Variants in FBXL18 observed in about 807,000 individuals in gnomAD.
FBXL18 encodes the protein F-box/LRR-repeat protein 18.
In FBXL18, 36 loss-of-function variants were observed where a neutral mutation model predicts 46.0. The observed-to-expected ratio is 0.78, with a 90% CI of 0.60 to 1.03. FBXL18 has a LOEUF of 1.03. Among genes scored for constraint, FBXL18 ranks in the 50% least tolerant of loss-of-function variants. The pLI is 0.00. For synonymous variants in FBXL18, 557 were observed against 465.3 expected (o/e 1.20, Z -2.54); for missense variants, 977 against 1,004.1 (o/e 0.97, Z 0.36).
At position 5,481,776 on chromosome 7, in the gene FBXL18, C is replaced by T. The variant is rs372831847; in HGVS notation, c.2156G>A (p.Ter719=). The T allele has an allele frequency of 6.8e-5, 109 of 1,613,308 alleles. No individual in the cohort carries two copies. The highest frequency in any genetic ancestry group is 8.8e-5 in the Non-Finnish European group (104 of 1,179,960). ...ACCGATGGGCGGCGGCTCCGCCTCTCACCACCACAGGTTCGGCGGTTCCTC... is the reference window on the plus strand; with the variant it reads ...ACCGATGGGCGGCGGCTCCGCCTCTTACCACCACAGGTTCGGCGGTTCCTC... ...VAEEPPNLWW[*] is the part of the protein sequence containing the mutation. Residue 719 remains the stop codon, a stop_retained_variant, in exon 5 of 5, where the codon TGA becomes TAA. Coordinates refer to ENST00000382368, the MANE Select transcript of FBXL18 (RefSeq NM_024963.6).
chr7:5,511,893 G>A (rs1333446816), intron 1 of FBXL18, among the ~76,000 whole-genome samples: 4 of 151,956 alleles, frequency 2.6e-5, no homozygotes, highest in African/African-American at 9.7e-5. Context: ...GCCAGCCTGA[G>A]CAACACAGTC....
At chr7:5,458,699 A>C (rs371208197) in intron 4 of FBXL18, among the ~76,000 whole-genome samples, 1,643 of 145,402 alleles carry the variant, frequency 0.011, 23 homozygotes, top group African/African-American at 0.035. Context: ...TCCGTCCCCC[A>C]AAAAAAAAAA....
chr7:5,500,476 C>A lies in FBXL18; in HGVS notation c.1781+12G>T, dbSNP rs369241476. On this transcript the variant is annotated intron_variant, in intron 3 of 4. Transcript: ENST00000382368. ...CCAGCAGAGGCCCGAGAGGTCCCCGCGGCCCCCTCACCTGAGGTCCCTCAG... is the reference window on the plus strand; with the variant it reads ...CCAGCAGAGGCCCGAGAGGTCCCCGAGGCCCCCTCACCTGAGGTCCCTCAG... 94 of 1,580,152 alleles carry A rather than the reference C, an allele frequency of 5.9e-5. No homozygotes were observed. The highest frequency in any genetic ancestry group is 7.3e-5 in the Non-Finnish European group (85 of 1,160,956).
rs1240378403 is a variant in FBXL18 at position 5,491,379 on chromosome 7, G to A, written c.1852C>T (p.Arg618Cys). 6.8e-6 allele frequency: 11 copies of A among 1,608,378 alleles called. No individual in the cohort carries two copies. Among genetic ancestry groups the A allele is most frequent in the Non-Finnish European group, 8.5e-6 (10 of 1,178,338 alleles). ...CCGCTGCGAGAGACCAGGCACAGGCGCTGCAGCGAGGGGCACTGGCTCAGC... is the reference window on the plus strand; with the variant it reads ...CCGCTGCGAGAGACCAGGCACAGGCACTGCAGCGAGGGGCACTGGCTCAGC... ...QALSQCPSLQ[R>C]LCLVSRSGTL... is the part of the protein sequence containing the mutation. Residue 618 changes from arginine to cysteine, a missense_variant, in exon 4 of 5, where the codon CGC (arginine) becomes TGC (cysteine). Physicochemically the swap from Arg to Cys is radical, Grantham distance 180 (BLOSUM62 -3). Coordinates refer to ENST00000382368, the MANE Select transcript of FBXL18 (RefSeq NM_024963.6).
chr7:5,509,315 G>A (rs1562708593), intron 1 of FBXL18, among the ~76,000 whole-genome samples: 1 of 151,902 alleles, frequency 6.6e-6, no homozygotes, highest in Admixed American at 6.6e-5. Context: ...AGAGACAGCA[G>A]GCCAGGAATT....
At chr7:5,463,724 A>ATATTTTTTTTTT (rs1554316185) in intron 4 of FBXL18, among the ~76,000 whole-genome samples, 1 of 59,672 alleles carries the variant, frequency 1.7e-5, no homozygotes, top group African/African-American at 7.3e-5. Flanking sequence ...TTATTTATTT[A>ATATTTTTTTTTT]TTTATTTTTT....
chr7:5,504,557 C>T (rs1784345737), intron 2 of FBXL18, among the ~76,000 whole-genome samples: 1 of 146,170 alleles, frequency 6.8e-6, no homozygotes, highest in Admixed American at 6.7e-5. Flanking sequence ...CCACCCACCT[C>T]AGCCTCCCAA....
Position 5,455,618 on chromosome 7 carries a change from C to T in FBXL18, c.2001-7775G>A, listed in dbSNP as rs954821744. On this transcript the variant is annotated intron_variant and NMD_transcript_variant, in intron 4 of 6. Transcript: ENST00000415009. The surrounding 1 kb of genome is among the most constrained non-coding windows in gnomAD (Gnocchi z 4.6). ...TGCATTCCCATGGCGCCAAGTCGGT[C>T]CTGAGAAGATCCTCCGGGATTGCTG... 1.3e-5 allele frequency among the ~76,000 whole-genome samples: 2 copies of T among 152,076 alleles called. No individual in the cohort carries two copies. The highest frequency in any genetic ancestry group is 4.8e-5 in the African/African-American group (2 of 41,396).
downstream of FBXL18, among the ~76,000 whole-genome samples, chr7:5,472,202 A>C (rs1392414282): frequency 6.6e-6 from 1 of 152,154 alleles, no homozygotes; most frequent in Admixed American, 6.6e-5. Flanking sequence ...CCCCTCAGCA[A>C]GGCCAAGGCC....
At chr7:5,469,534 A>C (rs547579898) in intron 4 of FBXL18, among the ~76,000 whole-genome samples, 2 of 152,154 alleles carry the variant, frequency 1.3e-5, no homozygotes, top group Non-Finnish European at 2.9e-5. Context: ...TGTGTGAGCT[A>C]TCAGTGTGTG....
At chr7:5,513,501 G>A (rs184881963) in intron 1 of FBXL18, among the ~76,000 whole-genome samples, 156 bp downstream of exon 1, 111 of 152,214 alleles carry the variant, frequency 7.3e-4, no homozygotes, top group African/African-American at 2.5e-3. Flanking sequence ...CGGGAAGGAC[G>A]GGAGCAGGGG....
intron 3 of FBXL18, among the ~76,000 whole-genome samples, chr7:5,498,189 G>A (rs1784135100): frequency 6.7e-6 from 1 of 149,972 alleles, no homozygotes; most frequent in South Asian, 2.1e-4. Flanking sequence ...CCGGGTTCAT[G>A]CCATTCTCCT....
rs182232980 is a variant in FBXL18 at position 5,490,828 on chromosome 7, G to A, written c.2000+403C>T. Among the ~76,000 whole-genome samples, 265 of 152,230 alleles carry A rather than the reference G, an allele frequency of 1.7e-3. 5 individuals carry two copies. The highest frequency in any genetic ancestry group is 0.017 in the Admixed American group (254 of 15,272). ...AAAATACAAAATACATGCTGGTGGCGCAGGCCTGTAATCCCAGCTACTCAG... is the reference window on the plus strand; with the variant it reads ...AAAATACAAAATACATGCTGGTGGCACAGGCCTGTAATCCCAGCTACTCAG... On this transcript the variant is annotated intron_variant, in intron 4 of 4. Transcript: ENST00000382368.
At chr7:5,461,573 G>A (rs549171230) in intron 4 of FBXL18, among the ~76,000 whole-genome samples, 63 of 152,264 alleles carry the variant, frequency 4.1e-4, no homozygotes, top group African/African-American at 7.5e-4. Flanking sequence ...CACCCAGGAG[G>A]TCAAGGCTGC....
At chr7:5,505,761 C>A (rs1159543259) in intron 1 of FBXL18, 131 bp from the exon 2 acceptor site, 15 of 693,702 alleles carry the variant, frequency 2.2e-5, no homozygotes, top group East Asian at 5.4e-5. Context: ...AAACTCTCAA[C>A]TGAATGACAA....
At position 5,501,015 on chromosome 7, in the gene FBXL18, G is replaced by A. The variant is rs778569043; in HGVS notation, c.1254C>T (p.Leu418=). Residue 418 remains leucine, a synonymous_variant, in exon 3 of 5, where the codon CTC becomes CTT. Coordinates refer to ENST00000382368, the MANE Select transcript of FBXL18 (RefSeq NM_024963.6). ...LLARLRHLRS[L]SLPVCSVADS... ...CAGCGACAGAGCAGACAGGCAGGGA[G>A]AGGGAGCGCAGGTGACGCAGCCGGG... The A allele has an allele frequency of 4.4e-6, 7 of 1,597,952 alleles. No individual in the cohort carries two copies. The highest frequency in any genetic ancestry group is 8.5e-7 in the Non-Finnish European group (1 of 1,174,838).
At chr7:5,502,387 T>C (rs1005595722) in intron 2 of FBXL18, among the ~76,000 whole-genome samples, 6 of 151,290 alleles carry the variant, frequency 4.0e-5, no homozygotes, top group African/African-American at 1.5e-4. Context: ...ATACAAAAAC[T>C]AGTCAGGCAT....
chr7:5,495,712 C>T (rs371113381), intron 3 of FBXL18: 19 of 400,274 alleles, frequency 4.7e-5, no homozygotes, highest in African/African-American at 2.5e-4. Flanking sequence ...ATCCCAGCGC[C>T]GTTTCCTCTG....
At chr7:5,467,575 T>A (rs1783362036) in intron 4 of FBXL18, among the ~76,000 whole-genome samples, 1 of 150,198 alleles carries the variant, frequency 6.7e-6, no homozygotes. Flanking sequence ...CAGGGAACTT[T>A]GCAAATAAAA....
Sources: allele counts gnomAD v4.1 joint callset (sites outside exome capture counted in the v4.1 genomes callset), GRCh38; gene constraint gnomAD v4.1.1; non-coding constraint Gnocchi (gnomAD v3.1); transcripts MANE v1.5; gene names NCBI Gene and HGNC (gene_info 2026-07-23, HGNC 2026-07-21).